The following TDRD3 variants were observed in gnomAD, a reference collection of about 807,000 sequenced individuals.
The protein encoded by TDRD3 is tudor domain containing 3.
TDRD3 carries 45 observed loss-of-function variants against 86.7 expected under a neutral mutation model. The ratio of observed to expected loss-of-function variants is 0.52; its 90% confidence interval spans 0.41 to 0.67. TDRD3 has a LOEUF of 0.67. Among genes scored for constraint, TDRD3 ranks in the 30% least tolerant of loss-of-function variants. TDRD3 has a pLI of 0.00. For missense variants in TDRD3, 814 were observed against 889.0 expected (o/e 0.92, Z 1.07); for synonymous variants, 298 against 301.7 (o/e 0.99, Z 0.13).
chr13:60,496,747 T>G (rs1956727494), intron 8 of TDRD3, among the ~76,000 whole-genome samples: 1 of 152,120 alleles, frequency 6.6e-6, no homozygotes, highest in Non-Finnish European at 1.5e-5. Context: ...TCCTATCTCC[T>G]GGCTTCAGAA....
chr13:60,403,402 T>TCAC (rs1954153158), intron 1 of TDRD3, among the ~76,000 whole-genome samples: 1 of 152,220 alleles, frequency 6.6e-6, no homozygotes, highest in South Asian at 2.1e-4. Flanking sequence ...ACTTATCATG[T>TCAC]TTCAGTTAAG....
At chr13:60,552,395 T>G (rs192932103) in intron 12 of TDRD3, among the ~76,000 whole-genome samples, 1 of 152,368 alleles carries the variant, frequency 6.6e-6, no homozygotes, top group East Asian at 1.9e-4. Flanking sequence ...CAGGGCACGC[T>G]AATGCAAGGG....
chr13:60,460,155 TAAAAC>T (rs1277150166), intron 3 of TDRD3, among the ~76,000 whole-genome samples: 1 of 147,174 alleles, frequency 6.8e-6, no homozygotes, highest in Non-Finnish European at 1.5e-5. Flanking sequence ...TCAGAATTAT[TAAAAC>T]AAAATTGTTC....
intron 1 of TDRD3, among the ~76,000 whole-genome samples, chr13:60,410,526 A>C (rs1475823592): frequency 1.3e-5 from 2 of 152,054 alleles, no homozygotes; most frequent in East Asian, 3.9e-4. Context: ...AGTACTGGCA[A>C]CCCTTTGTGT....
intron 7 of TDRD3, among the ~76,000 whole-genome samples, chr13:60,492,527 T>C (rs1188406825): frequency 6.6e-6 from 1 of 152,224 alleles, no homozygotes; most frequent in Non-Finnish European, 1.5e-5. Flanking sequence ...CTAAAGATAG[T>C]GGCTGGGCCA....
At chr13:60,462,222 GAT>G in intron 4 of TDRD3, among the ~76,000 whole-genome samples, 1 of 152,212 alleles carries the variant, frequency 6.6e-6, no homozygotes, top group South Asian at 2.1e-4. Flanking sequence ...GGAGCTCACA[GAT>G]GACTGAGAAG....
At chr13:60,498,092 A>T (rs1956755105) in intron 8 of TDRD3, among the ~76,000 whole-genome samples, 1 of 152,164 alleles carries the variant, frequency 6.6e-6, no homozygotes. Context: ...CCTTGGCTTA[A>T]TGTAGAGGAA....
At chr13:60,402,446 T>A (rs1295471399) in intron 1 of TDRD3, among the ~76,000 whole-genome samples, 1 of 152,206 alleles carries the variant, frequency 6.6e-6, no homozygotes, top group African/African-American at 2.4e-5. Flanking sequence ...TTCCAGTACA[T>A]CTCTTAGAAA....
chr13:60,555,532 T>C (rs1203266119), intron 12 of TDRD3, among the ~76,000 whole-genome samples: 1 of 152,250 alleles, frequency 6.6e-6, no homozygotes, highest in Non-Finnish European at 1.5e-5. Context: ...GCAGAGCTGA[T>C]AGTCAGGTTT....
chr13:60,406,149 A>T, intron 1 of TDRD3, among the ~76,000 whole-genome samples: 1 of 152,310 alleles, frequency 6.6e-6, no homozygotes, highest in South Asian at 2.1e-4. Context: ...GGAAATACCA[A>T]TCTTGCACTC....
At chr13:60,477,196 GGTTATTATTATTATTATT>G (rs1956202888) in intron 5 of TDRD3, among the ~76,000 whole-genome samples, 1 of 130,710 alleles carries the variant, frequency 7.7e-6, no homozygotes, top group South Asian at 2.9e-4. Context: ...TGTTATAGAT[GGTTATTATTATTATTATT>G]GTTATTATTA....
At chr13:60,409,845 G>GA (rs1196207371) in intron 1 of TDRD3, among the ~76,000 whole-genome samples, 1 of 152,188 alleles carries the variant, frequency 6.6e-6, no homozygotes, top group Non-Finnish European at 1.5e-5. Context: ...GATTGGTTTT[G>GA]AAATGTGAGG....
chr13:60,458,924 A>G (rs1355073090), intron 3 of TDRD3, among the ~76,000 whole-genome samples: 1 of 152,228 alleles, frequency 6.6e-6, no homozygotes, highest in South Asian at 2.1e-4. Flanking sequence ...AAATGTCCTT[A>G]TTTTAATGGC....
At chr13:60,401,201 C>T (rs1286623847) in intron 1 of TDRD3, among the ~76,000 whole-genome samples, 1 of 151,630 alleles carries the variant, frequency 6.6e-6, no homozygotes, top group Non-Finnish European at 1.5e-5. Context: ...GTTCTGCACC[C>T]TTGGATTCAA....
chr13:60,442,991 G>A (rs1287574249), intron 2 of TDRD3, among the ~76,000 whole-genome samples: 1 of 151,944 alleles, frequency 6.6e-6, no homozygotes, highest in African/African-American at 2.4e-5. Flanking sequence ...AAATTTGTAT[G>A]TATTCTGTTT....
At chr13:60,497,081 G>A (rs557421062) in intron 8 of TDRD3, among the ~76,000 whole-genome samples, 3 of 152,302 alleles carry the variant, frequency 2.0e-5, no homozygotes, top group Admixed American at 6.5e-5. Flanking sequence ...GATTGGGAGC[G>A]GCAGCTGGCA....
At chr13:60,396,753 C>A (rs1052591802), upstream of TDRD3, 2 of 152,280 alleles carry the variant, frequency 1.3e-5, no homozygotes, top group African/African-American at 2.4e-5. Context: ...TTTTTCTTTG[C>A]GTCCGGGCGG....
At chr13:60,498,388 G>A (rs1303037704) in intron 8 of TDRD3, among the ~76,000 whole-genome samples, 1 of 152,150 alleles carries the variant, frequency 6.6e-6, no homozygotes, top group Admixed American at 6.5e-5. Flanking sequence ...ACCATCAAAG[G>A]CAAGGTTAAG....
chr13:60,505,912 T>C (rs1182720236), intron 8 of TDRD3, among the ~76,000 whole-genome samples: 1 of 152,204 alleles, frequency 6.6e-6, no homozygotes, highest in African/African-American at 2.4e-5. Context: ...TTGATTGGTG[T>C]ACCTGAAAGT....
Sources: allele counts gnomAD v4.1 joint callset (sites outside exome capture counted in the v4.1 genomes callset), GRCh38; gene constraint gnomAD v4.1.1; transcripts MANE v1.5; gene names NCBI Gene and HGNC (gene_info 2026-07-23, HGNC 2026-07-21).